The following SLC39A11 variants were observed in gnomAD, a reference collection of about 807,000 sequenced individuals.
The protein encoded by SLC39A11 is zinc transporter ZIP11.
A neutral mutation model predicts 36.1 loss-of-function variants in SLC39A11; 33 were observed. The observed-to-expected ratio is 0.91, with a 90% confidence interval of 0.69 to 1.22. The LOEUF is 1.22. Ranked by LOEUF, SLC39A11 falls within the 50% of genes most tolerant of loss-of-function variation. The pLI, the probability that SLC39A11 is intolerant of heterozygous loss-of-function variation, is 0.00. For missense variants in SLC39A11, 432 were observed against 430.3 expected, an observed-to-expected ratio of 1.00 and a Z score of -0.03; for synonymous variants, 166 against 170.3, an observed-to-expected ratio of 0.97 and a Z score of 0.20.
intron 6 of SLC39A11, among the ~76,000 whole-genome samples, chr17:72,750,743 G>T (rs911582935): frequency 6.6e-6 from 1 of 151,946 alleles, no homozygotes; most frequent in African/African-American, 2.4e-5. Flanking sequence ...AGGGAGGGAG[G>T]GGCATTTTTT....
chr17:72,674,017 G>A (rs1206119062), intron 7 of SLC39A11, among the ~76,000 whole-genome samples: 1 of 152,184 alleles, frequency 6.6e-6, no homozygotes, highest in Non-Finnish European at 1.5e-5. Flanking sequence ...GCAGTGAGCT[G>A]AGATCGTGCC....
intron 6 of SLC39A11, among the ~76,000 whole-genome samples, chr17:72,798,318 G>A (rs552113731): frequency 2.2e-4 from 33 of 152,152 alleles, no homozygotes; most frequent in African/African-American, 8.0e-4. Context: ...CATGTTCTTG[G>A]TGAGTAATCT....
At chr17:72,941,770 C>T (rs556700486) in intron 5 of SLC39A11, among the ~76,000 whole-genome samples, 13 of 152,194 alleles carry the variant, frequency 8.5e-5, no homozygotes, top group African/African-American at 2.2e-4. Flanking sequence ...TATCCAGATG[C>T]GAAAAAGCTT....
At chr17:72,761,019 C>T (rs375424662) in intron 6 of SLC39A11, among the ~76,000 whole-genome samples, 321 of 152,300 alleles carry the variant, frequency 2.1e-3, no homozygotes, top group African/African-American at 7.5e-3. Flanking sequence ...GGACTCTGAC[C>T]GCATCTATGG....
At chr17:72,953,156 C>T (rs1157882466) in intron 4 of SLC39A11, among the ~76,000 whole-genome samples, 2 of 152,018 alleles carry the variant, frequency 1.3e-5, no homozygotes, top group Non-Finnish European at 2.9e-5. Flanking sequence ...CCACCCAGGG[C>T]CACGGAACTT....
chr17:72,835,668 C>T (rs753105209), intron 6 of SLC39A11, among the ~76,000 whole-genome samples: 6 of 152,164 alleles, frequency 3.9e-5, no homozygotes, highest in Non-Finnish European at 5.9e-5. Flanking sequence ...GCCACGTTGC[C>T]CAGGCTGGTC....
At chr17:72,856,948 TG>T (rs2079674149) in intron 5 of SLC39A11, among the ~76,000 whole-genome samples, 1 of 152,270 alleles carries the variant, frequency 6.6e-6, no homozygotes, top group Non-Finnish European at 1.5e-5. Flanking sequence ...CCCAAAGTGC[TG>T]GGATTACAGG....
chr17:72,741,680 G>C (rs1352441041), intron 6 of SLC39A11, among the ~76,000 whole-genome samples: 1 of 152,120 alleles, frequency 6.6e-6, no homozygotes, highest in Non-Finnish European at 1.5e-5. Context: ...AAATATAGGT[G>C]GGAACTGTCA....
chr17:72,968,353 A>ATC (rs920527675), intron 4 of SLC39A11, among the ~76,000 whole-genome samples: 61 of 152,048 alleles, frequency 4.0e-4, no homozygotes, highest in African/African-American at 1.4e-3. Flanking sequence ...CTGCATGACG[A>ATC]TCTCTCTCTC....
chr17:72,701,727 C>CAAAAAAA (rs57220008), intron 7 of SLC39A11, among the ~76,000 whole-genome samples: 10 of 88,814 alleles, frequency 1.1e-4, no homozygotes, highest in East Asian at 7.5e-4. Flanking sequence ...GATTCTGTCT[C>CAAAAAAA]AAAAAAAAAA....
At chr17:72,925,218 T>G (rs1215523567) in intron 5 of SLC39A11, among the ~76,000 whole-genome samples, 1 of 152,134 alleles carries the variant, frequency 6.6e-6, no homozygotes, top group Non-Finnish European at 1.5e-5. Context: ...CCAGGTCACT[T>G]ATTTTGGTTC....
chr17:72,910,376 C>A (rs1180704447), intron 5 of SLC39A11, among the ~76,000 whole-genome samples: 1 of 152,118 alleles, frequency 6.6e-6, no homozygotes, highest in African/African-American at 2.4e-5. Context: ...GTAATCCCAG[C>A]ACTTTGGGAG....
intron 7 of SLC39A11, among the ~76,000 whole-genome samples, chr17:72,670,158 TATAC>T (rs1352872303): frequency 1.6e-3 from 208 of 126,358 alleles, no homozygotes; most frequent in Admixed American, 4.5e-3. Context: ...ACACATTTTA[TATAC>T]ACACACACAC....
intron 7 of SLC39A11, among the ~76,000 whole-genome samples, chr17:72,650,222 CCTGCCT>C (rs2069788520): frequency 6.6e-6 from 1 of 152,224 alleles, no homozygotes; most frequent in Admixed American, 6.5e-5. Flanking sequence ...CCTCTCACCT[CCTGCCT>C]CTGCAGGACA....
intron 5 of SLC39A11, among the ~76,000 whole-genome samples, chr17:72,922,797 A>G (rs1386889062): frequency 1.3e-5 from 2 of 151,846 alleles, no homozygotes; most frequent in African/African-American, 4.8e-5. Flanking sequence ...GCAAAACCCC[A>G]TATCTATTAA....
rs2143832972 is a variant in SLC39A11, at chr17:72,649,197, G to T, written c.743C>A (p.Ala248Glu). 2 of 1,614,192 alleles carry T rather than the reference G, an allele frequency of 1.2e-6. No individual in the cohort carries two copies. Among genetic ancestry groups the T allele is most frequent in the East Asian group, 4.5e-5 (2 of 44,888 alleles). ...GLAVSLPLRG[A>E]GFSTWRAFWY... ...GAAAGCTCTCCAGGTGGAGAAGCCTGCCCCTCGCAAGGGAAGGCTGACAGC... is the reference window on the plus strand; with the variant it reads ...GAAAGCTCTCCAGGTGGAGAAGCCTTCCCCTCGCAAGGGAAGGCTGACAGC... Residue 248 changes from alanine (A) to glutamate (E), a missense_variant, in exon 8 of 10, where the codon GCA (alanine) becomes GAA (glutamate). Ala to Glu is a moderately radical substitution (Grantham distance 107). Transcript: ENST00000255559.
At chr17:72,669,811 T>A (rs1307534974) in intron 7 of SLC39A11, among the ~76,000 whole-genome samples, 2 of 151,936 alleles carry the variant, frequency 1.3e-5, no homozygotes, top group African/African-American at 4.8e-5. Flanking sequence ...CTGGGCAACA[T>A]AGGGAGACCC....
chr17:72,713,828 C>T (rs1036145606), intron 7 of SLC39A11, among the ~76,000 whole-genome samples: 1 of 152,152 alleles, frequency 6.6e-6, no homozygotes, highest in Non-Finnish European at 1.5e-5. Flanking sequence ...GTGCTAGATG[C>T]TTTTCAAGTG....
intron 6 of SLC39A11, among the ~76,000 whole-genome samples, chr17:72,814,499 G>A (rs137939899): frequency 1.6e-3 from 249 of 152,264 alleles, no homozygotes; most frequent in African/African-American, 5.8e-3. Context: ...CTCCTCTGGA[G>A]AACTGGGCTC....
Sources: allele counts gnomAD v4.1 joint callset (sites outside exome capture counted in the v4.1 genomes callset), GRCh38; gene constraint gnomAD v4.1.1; transcripts MANE v1.5; gene names NCBI Gene and HGNC (gene_info 2026-07-23, HGNC 2026-07-21).